C7orf57: variants seen among roughly 807,000 people sequenced by gnomAD.
The protein encoded by C7orf57 is chromosome 7 open reading frame 57, also known as uncharacterized protein C7orf57.
Under a neutral mutation model 39.0 loss-of-function variants are expected in C7orf57, and 33 were observed. That is an observed-to-expected ratio of 0.85 (90% CI 0.64 to 1.13). The LOEUF (loss-of-function observed/expected upper bound fraction) is 1.13. Among genes scored for constraint, C7orf57 ranks in the 50% most tolerant of loss-of-function variants. C7orf57 has a pLI of 0.00. For synonymous variants in C7orf57, 124 were observed against 137.1 expected (o/e 0.90, Z 0.67); for missense variants, 346 against 362.3 (o/e 0.95, Z 0.37).
chr7:48,052,799 C>CA lies in C7orf57; in HGVS notation c.707dup (p.Arg237GlufsTer34), dbSNP rs762892687. Reference sequence around the variant, plus strand: ...AGCAGCAGCAGCGAGCTGACTCAGACAAGAGGACCCCGAAGACCTCCAGGG... The same window carrying CA: ...AGCAGCAGCAGCGAGCTGACTCAGACAAAGAGGACCCCGAAGACCTCCAGGG... On this transcript the variant is annotated frameshift_variant, in exon 7 of 9. Transcript: ENST00000348904. LOFTEE classifies it high-confidence loss of function. The CA allele has an allele frequency of 2.5e-6, 4 of 1,614,002 alleles. No homozygotes were observed. The East Asian group carries it at 6.7e-5, about 27-fold the overall frequency.
intron 5 of C7orf57, among the ~76,000 whole-genome samples, chr7:48,049,428 G>C (rs1176616169): frequency 1.3e-5 from 2 of 152,150 alleles, no homozygotes; most frequent in Non-Finnish European, 2.9e-5. Context: ...GCTGTTCTGA[G>C]TGTCAGTAGT....
intron 8 of C7orf57, among the ~76,000 whole-genome samples, chr7:48,058,891 T>C (rs1388841237): frequency 1.3e-5 from 2 of 152,256 alleles, no homozygotes; most frequent in Non-Finnish European, 2.9e-5. Flanking sequence ...AACTTTATAT[T>C]GCAGGTGTTA....
chr7:48,050,322 G>C (rs770397254), intron 6 of C7orf57, among the ~76,000 whole-genome samples: 1 of 152,200 alleles, frequency 6.6e-6, no homozygotes, highest in Admixed American at 6.5e-5. Context: ...GCATGTAGGG[G>C]CCACCAGGTC....
At position 48,041,339 on chromosome 7, in the gene C7orf57, T is replaced by C; in HGVS notation, c.61T>C (p.Tyr21His). The C allele has an allele frequency of 6.2e-7, 1 of 1,612,330 alleles. No homozygotes were observed. Among genetic ancestry groups the C allele is most frequent in the South Asian group, 1.1e-5 (1 of 90,874 alleles). Residue 21 changes from tyrosine to histidine, a missense_variant, in exon 3 of 9, where the codon TAT (tyrosine) becomes CAT (histidine). Coordinates refer to ENST00000348904, the MANE Select transcript of C7orf57 (RefSeq NM_001100159.3). ...TCCGCCTCTCTCCTCTATAGATTGG[T>C]ATTACCACGTCCCAGTGAAGCGCTC... ...ATHRYAPCDW[Y>H]YHVPVKRSEK... is the part of the protein sequence containing the mutation.
intron 8 of C7orf57, among the ~76,000 whole-genome samples, chr7:48,057,476 G>T (rs1791147993): frequency 6.6e-6 from 1 of 152,078 alleles, no homozygotes; most frequent in African/African-American, 2.4e-5. Flanking sequence ...TTTGTAGCCT[G>T]CAACTTTACT....
Position 48,035,918 on chromosome 7 carries a change from G to GT in C7orf57, c.-102+289dup. Reference sequence around the variant, plus strand: ...CCCCCTCTGTGTGCCCCGCACGCACGTGTCTCTGCTGAATACCCCGCGTGA... The same window carrying GT: ...CCCCCTCTGTGTGCCCCGCACGCACGTTGTCTCTGCTGAATACCCCGCGTGA... On this transcript the variant is annotated intron_variant, in intron 1 of 8. Coordinates refer to ENST00000348904, the MANE Select transcript of C7orf57 (RefSeq NM_001100159.3). This position sits in a 1 kb window ranked among gnomAD's most constrained non-coding sequence, Gnocchi z 4.0. 6.6e-6 allele frequency among the ~76,000 whole-genome samples: 1 copy of GT among 152,078 alleles called. No individual in the cohort carries two copies. The highest frequency in any genetic ancestry group is 3.4e-3 in the Middle Eastern group (1 of 294).
rs1301805800 is a variant in C7orf57, at chr7:48,035,868, T to C, written c.-102+238T>C. Among the ~76,000 whole-genome samples, 1 of 151,546 alleles carries C rather than the reference T, an allele frequency of 6.6e-6. No homozygotes were observed. The highest frequency in any genetic ancestry group is 6.6e-5 in the Admixed American group (1 of 15,232). Reference sequence around the variant, plus strand: ...GCTGTGTCCCTGGCGTGGACGTGCCTGTACTGGATACCCGGCGTGACGTGC... The same window carrying C: ...GCTGTGTCCCTGGCGTGGACGTGCCCGTACTGGATACCCGGCGTGACGTGC... On this transcript the variant is annotated intron_variant, in intron 1 of 8. Transcript: ENST00000348904. The surrounding 1 kb of genome is among the most constrained non-coding windows in gnomAD (Gnocchi z 4.0).
chr7:48,043,359 C>T, intron 3 of C7orf57, 122 bp from the exon 4 acceptor site: 1 of 704,820 alleles, frequency 1.4e-6, no homozygotes, highest in Non-Finnish European at 2.4e-6. Context: ...GTCCCTGGAT[C>T]CCAGAGGCAA....
At chr7:48,051,809 T>TCTC (rs1554299741) in intron 6 of C7orf57, among the ~76,000 whole-genome samples, 1 of 83,732 alleles carries the variant, frequency 1.2e-5, no homozygotes, top group African/African-American at 5.1e-5. Flanking sequence ...CTTCCTTCCT[T>TCTC]TTCTCTTCTC....
At chr7:48,054,212 C>T (rs1033757827) in intron 7 of C7orf57, among the ~76,000 whole-genome samples, 3 of 152,076 alleles carry the variant, frequency 2.0e-5, no homozygotes, top group South Asian at 2.1e-4. Flanking sequence ...GTCAGGAGTT[C>T]GAGACCAGCC....
rs1307216061 is a variant in C7orf57 at position 48,054,593 on chromosome 7, A to G, written c.830-2A>G. ...GAACAACGAATGTACTTTTTATTACAGAGTCTTCTCAAAGTGAGTACTTAT... is the reference window on the plus strand; with the variant it reads ...GAACAACGAATGTACTTTTTATTACGGAGTCTTCTCAAAGTGAGTACTTAT... On this transcript the variant is annotated splice_acceptor_variant, in intron 7 of 8. Coordinates refer to ENST00000348904, the MANE Select transcript of C7orf57 (RefSeq NM_001100159.3). LOFTEE classifies it high-confidence loss of function. The G allele has an allele frequency of 1.9e-6, 3 of 1,549,084 alleles. No homozygotes were observed. The highest frequency in any genetic ancestry group is 2.4e-5 in the East Asian group (1 of 40,978).
chr7:48,051,771 TTTCTTTCTTTC>T (rs1562629717), intron 6 of C7orf57, among the ~76,000 whole-genome samples: 4 of 42,532 alleles, frequency 9.4e-5, no homozygotes, highest in South Asian at 1.5e-3. Flanking sequence ...TCTTTCTTTC[TTTCTTTCTTTC>T]TTTCTTTCTT....
At chr7:48,036,895 G>C (rs1018503349) in intron 2 of C7orf57, among the ~76,000 whole-genome samples, 4 of 151,878 alleles carry the variant, frequency 2.6e-5, no homozygotes, top group Non-Finnish European at 5.9e-5. Flanking sequence ...GGAGGAGAGG[G>C]GAAGGAAGAA....
At chr7:48,054,568 GAAC>G in intron 7 of C7orf57, 24 bp from the exon 8 acceptor site, 1 of 1,539,234 alleles carries the variant, frequency 6.5e-7, no homozygotes, top group Non-Finnish European at 8.8e-7. Flanking sequence ...TCATTAACCT[GAAC>G]AACGAATGTA....
In C7orf57 at chr7:48,053,001, A is replaced by T. The variant is rs760568241; in HGVS notation, c.829+78A>T. The T allele has an allele frequency of 2.2e-4, 261 of 1,184,766 alleles. 2 individuals are homozygous for T. Among genetic ancestry groups the T allele is most frequent in the Non-Finnish European group, 3.1e-4 (254 of 809,038 alleles). The allele number at this position is 1,184,766 out of a possible 1,614,324, so 73.4% of individuals were successfully genotyped here. A position where few individuals can be genotyped will look rare whatever the true frequency, so the allele number is the denominator to read the frequency against. ...CAGCAGCTGACGTTCTTATCACATG[A>T]TGCGTCTCGTAATGAGAAATGAGTA... On this transcript the variant is annotated intron_variant, in intron 7 of 8. Transcript: ENST00000348904.
At chr7:48,040,423 A>C (rs542272028) in intron 2 of C7orf57, among the ~76,000 whole-genome samples, 2 of 152,272 alleles carry the variant, frequency 1.3e-5, no homozygotes, top group Admixed American at 6.5e-5. Flanking sequence ...ACACCCAGTC[A>C]CCTCAGGAAT....
In C7orf57 at chr7:48,035,608, C is replaced by A; in HGVS notation, c.-124C>A. On this transcript the variant is annotated 5_prime_UTR_variant, in exon 1 of 9. Coordinates refer to ENST00000348904, the MANE Select transcript of C7orf57 (RefSeq NM_001100159.3). This position sits in a 1 kb window ranked among gnomAD's most constrained non-coding sequence, Gnocchi z 4.0. The stretch of plus-strand genomic sequence containing the variant: ...CAACGCCGGGCGCCGCGGGCAGCAC[C>A]CACGGAGACCCGCGGGGAGCTGGTG... 1.4e-6 allele frequency: 1 copy of A among 691,204 alleles called. No homozygotes were observed. The highest frequency in any genetic ancestry group is 2.6e-6 in the Non-Finnish European group (1 of 379,870). 42.8% of individuals were successfully genotyped at this position (691,204 alleles called of 1,614,324 possible). A position where few individuals can be genotyped will look rare whatever the true frequency, so the allele number is the denominator to read the frequency against.
intron 6 of C7orf57, among the ~76,000 whole-genome samples, chr7:48,051,833 T>TCTCTTCTCTTCTCTTC (rs769157346): frequency 4.7e-5 from 3 of 63,906 alleles, no homozygotes; most frequent in Non-Finnish European, 6.3e-5. Flanking sequence ...CTTTCTTTCT[T>TCTCTTCTCTTCTCTTC]TCTTTCTTTC....
chr7:48,043,427 C>A, intron 3 of C7orf57, 54 bp from the exon 4 acceptor site: 2 of 1,338,048 alleles, frequency 1.5e-6, no homozygotes, highest in Non-Finnish European at 2.1e-6. Flanking sequence ...CAATGCTGTG[C>A]GTCTGTGTAG....
Sources: allele counts gnomAD v4.1 joint callset (sites outside exome capture counted in the v4.1 genomes callset), GRCh38; gene constraint gnomAD v4.1.1; non-coding constraint Gnocchi (gnomAD v3.1); transcripts MANE v1.5; gene names NCBI Gene and HGNC (gene_info 2026-07-23, HGNC 2026-07-21).